NTRK3: variants seen among roughly 807,000 people sequenced by gnomAD.
The protein encoded by NTRK3 is neurotrophic receptor tyrosine kinase 3.
A neutral mutation model predicts 91.7 loss-of-function variants in NTRK3; 24 were observed. That is an observed-to-expected ratio of 0.26 (90% CI 0.19 to 0.37). The LOEUF is 0.37. NTRK3 is among the 10% of genes least tolerant of loss of function. NTRK3 has a pLI of 1.00. For missense variants in NTRK3, 880 were observed against 1,068.9 expected (o/e 0.82, Z 2.46); for synonymous variants, 483 against 404.0 (o/e 1.20, Z -2.34).
At chr15:88,161,021 A>G (rs554700930) in intron 5 of NTRK3, among the ~76,000 whole-genome samples, 29 of 152,322 alleles carry the variant, frequency 1.9e-4, no homozygotes, top group Middle Eastern at 6.8e-3. Context: ...AGATAAATTA[A>G]TGCATGTCAA....
chr15:87,979,204 AGG>A, intron 14 of NTRK3: 1 of 747,194 alleles, frequency 1.3e-6, no homozygotes, highest in Non-Finnish European at 2.4e-6. Flanking sequence ...GTGGTGTTAA[AGG>A]GTGCCGGGGC....
intron 9 of NTRK3, 64 bp from the exon 10 acceptor site, chr15:88,135,461 C>CCAGCAA: frequency 1.3e-6 from 2 of 1,556,696 alleles, no homozygotes; most frequent in Non-Finnish European, 1.7e-6. Flanking sequence ...CAGTAGCCTT[C>CCAGCAA]CAGCAACTAA....
chr15:87,943,486 C>T lies in NTRK3; in HGVS notation c.1586-2733G>A, dbSNP rs143611380. ...TTCTTATGTTCTAGAAACATCTCTA[C>T]AAAAGGCAAAACAATATAGATTTTC... On this transcript the variant is annotated intron_variant, in intron 14 of 18. Coordinates refer to ENST00000394480, the Ensembl canonical transcript of NTRK3. Among the ~76,000 whole-genome samples, 291 of 152,228 alleles carry T rather than the reference C, an allele frequency of 1.9e-3. 1 individual carries two copies. Among genetic ancestry groups the T allele is most frequent in the African/African-American group, 6.7e-3 (277 of 41,542 alleles).
chr15:88,251,337 C>T (rs2053340356), intron 3 of NTRK3, among the ~76,000 whole-genome samples: 1 of 152,230 alleles, frequency 6.6e-6, no homozygotes, highest in Admixed American at 6.5e-5. Flanking sequence ...CCTGAGATGA[C>T]ATATGTCCAA....
intron 13 of NTRK3, among the ~76,000 whole-genome samples, chr15:88,125,612 G>A (rs1399289832): frequency 6.6e-6 from 1 of 152,082 alleles, no homozygotes; most frequent in Non-Finnish European, 1.5e-5. Flanking sequence ...GACCAGGCAG[G>A]TGGATGCTAA....
chr15:87,932,943 G>T (rs1012566048), intron 16 of NTRK3, 69 bp downstream of exon 16: 2 of 1,532,748 alleles, frequency 1.3e-6, no homozygotes, highest in Non-Finnish European at 1.8e-6. Context: ...ATAATTTCTG[G>T]CTCCAGGGAA....
At chr15:88,019,645 G>A (rs1234436847) in intron 14 of NTRK3, among the ~76,000 whole-genome samples, 1 of 152,210 alleles carries the variant, frequency 6.6e-6, no homozygotes, top group Non-Finnish European at 1.5e-5. Flanking sequence ...AACCCTGTGG[G>A]GCCCCTAGTC....
intron 14 of NTRK3, among the ~76,000 whole-genome samples, chr15:87,996,222 C>A (rs570926910): frequency 1.6e-4 from 24 of 151,826 alleles, no homozygotes; most frequent in South Asian, 4.2e-4. Flanking sequence ...CCAGCCTGGG[C>A]GACAGAGAGA....
In NTRK3 at chr15:88,237,502, T is replaced by G. The variant is rs1222877220; in HGVS notation, c.248+18404A>C. ...TGGTGCTCACTGGTAGCTGTTGAAATAATTAGTTAATTAATTCATAAGAGA... is the reference window on the plus strand; with the variant it reads ...TGGTGCTCACTGGTAGCTGTTGAAAGAATTAGTTAATTAATTCATAAGAGA... On this transcript the variant is annotated intron_variant, in intron 3 of 18. Coordinates refer to ENST00000394480, the Ensembl canonical transcript of NTRK3. The surrounding 1 kb of genome is among the most constrained non-coding windows in gnomAD (Gnocchi z 4.0). 6.6e-6 allele frequency among the ~76,000 whole-genome samples: 1 copy of G among 152,240 alleles called. No individual in the cohort carries two copies. The highest frequency in any genetic ancestry group is 2.1e-4 in the South Asian group (1 of 4,828).
At chr15:87,930,756 T>G (rs1412907500) in intron 16 of NTRK3, among the ~76,000 whole-genome samples, 1 of 152,200 alleles carries the variant, frequency 6.6e-6, no homozygotes, top group Non-Finnish European at 1.5e-5. Context: ...CACCCTCGAC[T>G]GATAGAGCCT....
chr15:88,047,340 T>C (rs1171533635), intron 13 of NTRK3, among the ~76,000 whole-genome samples: 2 of 152,020 alleles, frequency 1.3e-5, no homozygotes, highest in Non-Finnish European at 2.9e-5. Flanking sequence ...TACCCAGGAA[T>C]ATTGAACACC....
intron 13 of NTRK3, among the ~76,000 whole-genome samples, chr15:88,115,799 G>C (rs1054929876): frequency 3.3e-5 from 5 of 152,100 alleles, no homozygotes; most frequent in Admixed American, 2.6e-4. Context: ...ACCACCTAGG[G>C]CAGTGTCTCT....
intron 10 of NTRK3, among the ~76,000 whole-genome samples, chr15:88,131,620 G>A (rs772789604): frequency 2.0e-5 from 3 of 152,180 alleles, no homozygotes; most frequent in South Asian, 2.1e-4. Flanking sequence ...AGATCAATTC[G>A]CAGTTTACAT....
chr15:88,223,806 C>G (rs1019462038), intron 3 of NTRK3, among the ~76,000 whole-genome samples: 13 of 152,196 alleles, frequency 8.5e-5, no homozygotes, highest in Admixed American at 6.5e-5. Flanking sequence ...AAGGTAGTAG[C>G]AGAAGACTTA....
rs529683339 is a variant in NTRK3, at chr15:87,964,416, CATT to C, written c.1586-23666_1586-23664del. Among the ~76,000 whole-genome samples, 344 of 150,866 alleles carry C rather than the reference CATT, an allele frequency of 2.3e-3. 2 individuals are homozygous for C. Among genetic ancestry groups the C allele is most frequent in the African/African-American group, 7.4e-3 (307 of 41,272 alleles). On this transcript the variant is annotated intron_variant, in intron 14 of 18. Coordinates refer to ENST00000394480, the Ensembl canonical transcript of NTRK3. ...TTTACTATGTATTATATACAAGCAT[CATT>C]GAGTTCATACATGCAAACTTTATTT... is the stretch of plus-strand genomic sequence containing the variant.
chr15:87,994,627 C>T (rs943908710), intron 14 of NTRK3, among the ~76,000 whole-genome samples: 1 of 152,116 alleles, frequency 6.6e-6, no homozygotes, highest in East Asian at 1.9e-4. Context: ...TTGTTCTAGG[C>T]CATCCAGTTT....
chr15:88,090,992 T>C (rs1044103790), intron 13 of NTRK3, among the ~76,000 whole-genome samples: 5 of 152,186 alleles, frequency 3.3e-5, no homozygotes, highest in Non-Finnish European at 7.3e-5. Context: ...CCAATACTCA[T>C]CTTAGGAGAG....
chr15:87,888,890 TCCTTTTATCCG>T (rs1302520833), intron 17 of NTRK3, among the ~76,000 whole-genome samples: 1 of 152,172 alleles, frequency 6.6e-6, no homozygotes, highest in Non-Finnish European at 1.5e-5. Flanking sequence ...CAGAACATCC[TCCTTTTATCCG>T]CTGGGCTTTC....
At chr15:87,925,283 T>C (rs1201705309) in intron 17 of NTRK3, among the ~76,000 whole-genome samples, 2 of 152,192 alleles carry the variant, frequency 1.3e-5, no homozygotes, top group African/African-American at 2.4e-5. Context: ...TTGTAAATCG[T>C]CTGTATACCA....
Sources: allele counts gnomAD v4.1 joint callset (sites outside exome capture counted in the v4.1 genomes callset), GRCh38; gene constraint gnomAD v4.1.1; non-coding constraint Gnocchi (gnomAD v3.1); transcripts MANE v1.5; gene names NCBI Gene and HGNC (gene_info 2026-07-23, HGNC 2026-07-21).